The following PDCD10 variants were observed in gnomAD, a reference collection of about 807,000 sequenced individuals.
The protein encoded by PDCD10 is programmed cell death protein 10.
PDCD10 carries 4 observed loss-of-function variants against 29.2 expected under a neutral mutation model. The ratio of observed to expected loss-of-function variants is 0.14; its 90% CI spans 0.07 to 0.31. PDCD10 has a LOEUF of 0.31. Ranked by LOEUF, PDCD10 falls within the 10% of genes least tolerant of loss-of-function variation. The pLI is 1.00. For synonymous variants in PDCD10, 70 were observed against 82.2 expected, an observed-to-expected ratio of 0.85 and a Z score of 0.80; for missense variants, 183 against 257.9, an observed-to-expected ratio of 0.71 and a Z score of 1.99.
intron 4 of PDCD10, among the ~76,000 whole-genome samples, chr3:167,700,969 T>A (rs1490754675): frequency 6.6e-6 from 1 of 152,154 alleles, no homozygotes; most frequent in Non-Finnish European, 1.5e-5. Flanking sequence ...AGCACCAGAA[T>A]TTAAGGCAGG....
chr3:167,706,793 A>G (rs907748874), intron 3 of PDCD10, among the ~76,000 whole-genome samples: 9 of 152,252 alleles, frequency 5.9e-5, no homozygotes, highest in African/African-American at 2.2e-4. Flanking sequence ...GCATATATCC[A>G]TTGTTTGAAC....
intron 6 of PDCD10, among the ~76,000 whole-genome samples, chr3:167,691,980 A>G: frequency 6.6e-6 from 1 of 152,222 alleles, no homozygotes; most frequent in East Asian, 1.9e-4. Flanking sequence ...TCCTATATAA[A>G]TGATTGTTAT....
At chr3:167,691,847 T>C (rs1039066262) in intron 6 of PDCD10, among the ~76,000 whole-genome samples, 3 of 152,238 alleles carry the variant, frequency 2.0e-5, no homozygotes, top group African/African-American at 7.2e-5. Flanking sequence ...TACCACTTAA[T>C]AGGTAAGTTC....
chr3:167,707,018 A>G (rs1307989257), intron 3 of PDCD10, among the ~76,000 whole-genome samples: 2 of 152,174 alleles, frequency 1.3e-5, no homozygotes, highest in Non-Finnish European at 2.9e-5. Flanking sequence ...CTGTCACTGA[A>G]TATCTTCAAC....
Position 167,684,076 on chromosome 3 carries a change from T to C in PDCD10, c.*232A>G, listed in dbSNP as rs1719316436. ...TTAAGGCGTAAATTCTTTTGGCTTA[T>C]AATTCTTAAAAGAATGATAATAGCA... On this transcript the variant is annotated 3_prime_UTR_variant, in exon 9 of 9. Transcript: ENST00000392750. The C allele has an allele frequency of 2.4e-6, 1 of 423,714 alleles. No individual in the cohort carries two copies. The highest frequency in any genetic ancestry group is 2.0e-5 in the African/African-American group (1 of 50,154). The allele number at this position is 423,714 out of a possible 1,614,324, so 26.2% of individuals were successfully genotyped here.
At chr3:167,702,977 T>G (rs984821233) in intron 4 of PDCD10, among the ~76,000 whole-genome samples, 2 of 152,188 alleles carry the variant, frequency 1.3e-5, no homozygotes, top group Admixed American at 1.3e-4. Flanking sequence ...TAATTGTACT[T>G]AAGTGTTAGA....
At chr3:167,695,511 G>T (rs988467700) in intron 6 of PDCD10, 85 bp downstream of exon 6, 1 of 1,197,706 alleles carries the variant, frequency 8.3e-7, no homozygotes, top group Non-Finnish European at 1.2e-6. Flanking sequence ...TTTCAAGTTA[G>T]TCATACCAAA....
At chr3:167,722,476 T>C (rs1182368616) in intron 2 of PDCD10, among the ~76,000 whole-genome samples, 2 of 152,154 alleles carry the variant, frequency 1.3e-5, no homozygotes, top group Non-Finnish European at 2.9e-5. Context: ...AAGAAGAAGG[T>C]AGCCAAAAGT....
At chr3:167,732,027 C>T (rs1470644586) in intron 2 of PDCD10, among the ~76,000 whole-genome samples, 2 of 152,004 alleles carry the variant, frequency 1.3e-5, no homozygotes, top group Admixed American at 6.6e-5. Flanking sequence ...GAGATAAGGA[C>T]GGAGAGCTGG....
At chr3:167,695,968 TC>T (rs1427644814) in intron 5 of PDCD10, among the ~76,000 whole-genome samples, 1 of 142,326 alleles carries the variant, frequency 7.0e-6, no homozygotes, top group Non-Finnish European at 1.5e-5. Context: ...CAAAAGGACA[TC>T]CCATGAAATC....
At chr3:167,719,976 T>C (rs377096128) in intron 3 of PDCD10, 86 bp downstream of exon 3, 2 of 947,412 alleles carry the variant, frequency 2.1e-6, no homozygotes, top group Non-Finnish European at 3.5e-6. Context: ...CTAGTATTTG[T>C]TATACAAAAG....
chr3:167,709,583 T>G (rs559028106), intron 3 of PDCD10, among the ~76,000 whole-genome samples: 2 of 152,100 alleles, frequency 1.3e-5, no homozygotes, highest in African/African-American at 4.8e-5. Context: ...ATCCAAGAGG[T>G]TGGAAATTGA....
intron 4 of PDCD10, among the ~76,000 whole-genome samples, chr3:167,700,141 G>C (rs1301915081): frequency 6.6e-6 from 1 of 152,100 alleles, no homozygotes; most frequent in Non-Finnish European, 1.5e-5. Flanking sequence ...TGTAGTACAC[G>C]TGTATATGTA....
At chr3:167,695,480 A>G (rs1720703286) in intron 6 of PDCD10, 116 bp downstream of exon 6, 2 of 923,686 alleles carry the variant, frequency 2.2e-6, no homozygotes, top group Admixed American at 1.9e-5. Flanking sequence ...TAAAAATTTG[A>G]GATTTTATTT....
Position 167,713,354 on chromosome 3 carries a change from T to C in PDCD10, c.96+6708A>G, listed in dbSNP as rs114310200. On this transcript the variant is annotated intron_variant, in intron 3 of 8. Coordinates refer to ENST00000392750, the MANE Select transcript of PDCD10 (RefSeq NM_007217.4). Reference sequence around the variant, plus strand: ...AATTAACCGTGGATAAATCAAAAACTTAAGAAAGAAAATGAAAAATTTCTT... The same window carrying C: ...AATTAACCGTGGATAAATCAAAAACCTAAGAAAGAAAATGAAAAATTTCTT... Among the ~76,000 whole-genome samples the C allele has an allele frequency of 4.4e-3, 672 of 151,966 alleles. 4 individuals carry two copies. Among genetic ancestry groups the C allele is most frequent in the African/African-American group, 0.016 (646 of 41,516 alleles).
At chr3:167,723,976 G>C (rs537568391) in intron 2 of PDCD10, among the ~76,000 whole-genome samples, 4 of 152,256 alleles carry the variant, frequency 2.6e-5, no homozygotes, top group African/African-American at 9.6e-5. Context: ...CACTTGCTTA[G>C]AGTAAGAAGC....
Position 167,691,558 on chromosome 3 carries a change from C to T in PDCD10, c.396-3865G>A, listed in dbSNP as rs552483479. Among the ~76,000 whole-genome samples the T allele has an allele frequency of 5.9e-5, 9 of 152,246 alleles. No homozygotes were observed. The South Asian group carries it at 1.2e-3, about 21-fold the overall frequency. ...AACCGCAGCTCCCTAGAGTCACAGACGGTTTAGCAGAGATGTCTCAGGGAC... is the reference window on the plus strand; with the variant it reads ...AACCGCAGCTCCCTAGAGTCACAGATGGTTTAGCAGAGATGTCTCAGGGAC... On this transcript the variant is annotated intron_variant, in intron 6 of 8. Transcript: ENST00000392750.
At position 167,713,820 on chromosome 3, in the gene PDCD10, C is replaced by G. The variant is rs529655811; in HGVS notation, c.96+6242G>C. ...AATCTAGAGGAAATGGATAAATTCCCAGACATATACCACTTATCAAGACTG... is the reference window on the plus strand; with the variant it reads ...AATCTAGAGGAAATGGATAAATTCCGAGACATATACCACTTATCAAGACTG... On this transcript the variant is annotated intron_variant, in intron 3 of 8. Transcript: ENST00000392750. 4.6e-5 allele frequency among the ~76,000 whole-genome samples: 7 copies of G among 151,820 alleles called. No individual in the cohort carries two copies. In the East Asian group the frequency reaches 1.4e-3, roughly 29 times the overall value.
chr3:167,704,776 T>C, intron 4 of PDCD10, 66 bp downstream of exon 4: 4 of 1,089,820 alleles, frequency 3.7e-6, no homozygotes, highest in Non-Finnish European at 4.3e-6. Flanking sequence ...CTGGCAACCA[T>C]CACATGTACT....
Sources: allele counts gnomAD v4.1 joint callset (sites outside exome capture counted in the v4.1 genomes callset), GRCh38; gene constraint gnomAD v4.1.1; transcripts MANE v1.5; gene names NCBI Gene and HGNC (gene_info 2026-07-23, HGNC 2026-07-21).